The following ANO5 variants were observed in gnomAD, a reference collection of about 807,000 sequenced individuals.
The protein encoded by ANO5 is anoctamin-5.
Under a neutral mutation model 121.0 loss-of-function variants are expected in ANO5, and 109 were observed. The ratio of observed to expected loss-of-function variants is 0.90; its 90% confidence interval spans 0.77 to 1.06. The LOEUF is 1.06. ANO5 is among the 50% of genes least tolerant of loss of function. The probability of loss-of-function intolerance (pLI) is 0.00; values close to 1 mark genes in which losing one functional copy is unlikely to be tolerated. For synonymous variants in ANO5, 406 were observed against 359.9 expected (o/e 1.13, Z -1.45); for missense variants, 1,064 against 1,078.5 (o/e 0.99, Z 0.19).
rs374535843 is a variant in ANO5 at position 22,269,404 on chromosome 11, GA to G, written c.1899-901del. Among the ~76,000 whole-genome samples the G allele has an allele frequency of 7.5e-3, 994 of 131,856 alleles. 7 individuals carry two copies. The highest frequency in any genetic ancestry group is 0.011 in the Non-Finnish European group (729 of 64,158). The allele number at this position is 131,856 out of a possible 152,430, so 86.5% of individuals were successfully genotyped here. A position where few individuals can be genotyped will look rare whatever the true frequency, so the allele number is the denominator to read the frequency against. Reference sequence around the variant, plus strand: ...AAAGAAGAAAGGAAGGAAGGAAGGAGAAAAAAAGAGAAGGAAAAGAGAAGGG... The same window carrying G: ...AAAGAAGAAAGGAAGGAAGGAAGGAGAAAAAAGAGAAGGAAAAGAGAAGGG... On this transcript the variant is annotated intron_variant, in intron 17 of 21. Transcript: ENST00000324559.
chr11:22,193,965 G>T (rs1353082729), intron 1 of ANO5, among the ~76,000 whole-genome samples: 1 of 152,160 alleles, frequency 6.6e-6, no homozygotes, highest in Non-Finnish European at 1.5e-5. Context: ...GTAAGGAGCT[G>T]GTCCTTGAGT....
chr11:22,206,106 A>G (rs972578034), intron 2 of ANO5, among the ~76,000 whole-genome samples: 3 of 152,142 alleles, frequency 2.0e-5, no homozygotes, highest in African/African-American at 7.2e-5. Context: ...ATGCTTCTCA[A>G]TTCATGTCGG....
At chr11:22,277,129 A>AT (rs1489910662) in intron 21 of ANO5, among the ~76,000 whole-genome samples, 1 of 151,326 alleles carries the variant, frequency 6.6e-6, no homozygotes, top group Non-Finnish European at 1.5e-5. Flanking sequence ...ATATATTTTT[A>AT]TTTTTTAGGT....
chr11:22,260,214 T>A (rs7125073), intron 15 of ANO5, among the ~76,000 whole-genome samples: 19,679 of 152,164 alleles, frequency 0.13, 3,652 homozygotes, highest in African/African-American at 0.41. Context: ...GAATATTTTC[T>A]TGTTAAAATA....
chr11:22,262,099 T>C (rs765312964), intron 15 of ANO5, 30 bp from the exon 16 acceptor site: 10 of 1,608,564 alleles, frequency 6.2e-6, no homozygotes, highest in Non-Finnish European at 8.5e-6. Context: ...AATAAGAAGA[T>C]GCACTAAACA....
chr11:22,259,656 A>G lies in ANO5; in HGVS notation c.1545A>G (p.Ser515=), dbSNP rs35843353. The change falls in exon 15 of 22, where the codon TCA becomes TCG. Residue 515 remains serine, a synonymous_variant. Coordinates refer to ENST00000324559, the MANE Select transcript of ANO5 (RefSeq NM_213599.3). ...TCCTTACTCCTCAGATAACCACATC[A>G]CTCACAGGATCATGCTTGAACTTTA... is the stretch of plus-strand genomic sequence containing the variant. ...KSFLTPQITT[S]LTGSCLNFIV... 1,787 of 1,614,042 alleles carry G rather than the reference A, an allele frequency of 1.1e-3. 11 individuals carry two copies. The African/African-American group carries it at 0.021, about 19-fold the overall frequency.
At chr11:22,243,395 A>G (rs918071756) in intron 9 of ANO5, among the ~76,000 whole-genome samples, 1 of 151,876 alleles carries the variant, frequency 6.6e-6, no homozygotes, top group Non-Finnish European at 1.5e-5. Context: ...TTGTGTCTCT[A>G]TCAGATTTTG....
At chr11:22,259,868 A>C in intron 15 of ANO5, 127 bp downstream of exon 15, 1 of 931,582 alleles carries the variant, frequency 1.1e-6, no homozygotes, top group Non-Finnish European at 1.7e-6. Flanking sequence ...TTTCTCTATA[A>C]ATAGACCCAT....
intron 2 of ANO5, among the ~76,000 whole-genome samples, chr11:22,206,016 T>C (rs997433996): frequency 2.0e-5 from 3 of 152,162 alleles, no homozygotes; most frequent in Admixed American, 1.3e-4. Context: ...AATGGTCTCA[T>C]TGGAGAATTC....
In ANO5 at chr11:22,274,564, T is replaced by G. The variant is rs886048122; in HGVS notation, c.2236-5T>G. 1.3e-6 allele frequency: 2 copies of G among 1,583,952 alleles called. No individual in the cohort carries two copies. Among genetic ancestry groups the G allele is most frequent in the Non-Finnish European group, 1.7e-6 (2 of 1,165,176 alleles). ...GATCTTCCTCTTTTTTTTTTTATTC[T>G]TCAGGCCTTTATTGTTGCATTTACG... is the stretch of plus-strand genomic sequence containing the variant. On this transcript the variant is annotated splice_polypyrimidine_tract_variant and splice_region_variant and intron_variant, in intron 19 of 21. Coordinates refer to ENST00000324559, the MANE Select transcript of ANO5 (RefSeq NM_213599.3).
At position 22,236,251 on chromosome 11, in the gene ANO5, A is replaced by C. The variant is rs1223572713; in HGVS notation, c.737A>C (p.Tyr246Ser). ...GIERLLNSNT[Y>S]SSAYPLHDGQ... Reference sequence around the variant, plus strand: ...GAAAGACTGCTAAACTCTAACACTTACTCATCTGCCTATCCACTCCATGAT... The same window carrying C: ...GAAAGACTGCTAAACTCTAACACTTCCTCATCTGCCTATCCACTCCATGAT... The change falls in exon 8 of 22, where the codon TAC becomes TCC. Residue 246 changes from tyrosine (Y) to serine (S), a missense_variant. Physicochemically the swap from Tyr to Ser is moderately radical, Grantham distance 144. Coordinates refer to ENST00000324559, the MANE Select transcript of ANO5 (RefSeq NM_213599.3). The C allele has an allele frequency of 6.2e-7, 1 of 1,612,794 alleles. No homozygotes were observed. Among genetic ancestry groups the C allele is most frequent in the South Asian group, 1.1e-5 (1 of 91,054 alleles).
chr11:22,267,491 C>A (rs1010810052), intron 17 of ANO5, among the ~76,000 whole-genome samples: 1 of 138,832 alleles, frequency 7.2e-6, no homozygotes, highest in African/African-American at 3.2e-5. Flanking sequence ...ATCTACATAC[C>A]ATATAAATAT....
Position 22,262,981 on chromosome 11 carries a change from C to A in ANO5, c.1836C>A (p.Thr612=), listed in dbSNP as rs1289517485. 33 of 1,613,568 alleles carry A rather than the reference C, an allele frequency of 2.0e-5. No homozygotes were observed. Among genetic ancestry groups the A allele is most frequent in the Non-Finnish European group, 2.7e-5 (32 of 1,179,712 alleles). Residue 612 remains threonine, a synonymous_variant, in exon 17 of 22, where the codon ACC becomes ACA. Coordinates refer to ENST00000324559, the MANE Select transcript of ANO5 (RefSeq NM_213599.3). ...DPGGCLIELT[T]QLTIIMTGKQ... ...GAGGCTGTCTTATAGAATTGACAACCCAATTGACCATTATAATGACCGGGA... is the reference window on the plus strand; with the variant it reads ...GAGGCTGTCTTATAGAATTGACAACACAATTGACCATTATAATGACCGGGA...
At chr11:22,227,797 G>T (rs1453930440) in intron 7 of ANO5, among the ~76,000 whole-genome samples, 1 of 152,058 alleles carries the variant, frequency 6.6e-6, no homozygotes, top group Non-Finnish European at 1.5e-5. Flanking sequence ...AAAAGTGAGT[G>T]GTTGATGGTA....
intron 3 of ANO5, among the ~76,000 whole-genome samples, chr11:22,211,556 T>G (rs941235550): frequency 3.3e-5 from 5 of 151,876 alleles, no homozygotes; most frequent in African/African-American, 1.2e-4. Flanking sequence ...ATTTTTTCTA[T>G]GAGAAAATGA....
At chr11:22,209,175 C>T (rs2133544200) in intron 2 of ANO5, among the ~76,000 whole-genome samples, 1 of 151,978 alleles carries the variant, frequency 6.6e-6, no homozygotes, top group East Asian at 1.9e-4. Context: ...TATTAAAAAG[C>T]TATTCTAGTT....
At chr11:22,257,449 T>C (rs1337128955) in intron 13 of ANO5, among the ~76,000 whole-genome samples, 1 of 152,166 alleles carries the variant, frequency 6.6e-6, no homozygotes. Flanking sequence ...ATTTAGGAAA[T>C]TGTGTGTATC....
At chr11:22,209,870 A>T (rs59030591) in intron 2 of ANO5, among the ~76,000 whole-genome samples, 104,347 of 151,328 alleles carry the variant, frequency 0.69, 38,263 homozygotes, top group Non-Finnish European at 0.83. Flanking sequence ...ATGCTTCTGT[A>T]AGCAAAACAA....
At chr11:22,200,397 C>G (rs1283580886) in intron 1 of ANO5, among the ~76,000 whole-genome samples, 1 of 152,066 alleles carries the variant, frequency 6.6e-6, no homozygotes, top group Non-Finnish European at 1.5e-5. Flanking sequence ...ATGTAAAGTA[C>G]TTTTTCATGA....
Sources: gnomAD v4.1 joint callset for allele counts (sites outside exome capture counted in the v4.1 genomes callset) on GRCh38, gnomAD v4.1.1 for gene constraint, MANE v1.5 for transcripts, NCBI Gene and HGNC (gene_info 2026-07-23, HGNC 2026-07-21) for gene names.